Variants in NRG3 observed in about 807,000 individuals in gnomAD.
The protein encoded by NRG3 is pro-neuregulin-3, membrane-bound isoform.
A neutral mutation model predicts 66.9 loss-of-function variants in NRG3; 31 were observed. The ratio of observed to expected loss-of-function variants is 0.46; its 90% CI spans 0.35 to 0.63. The LOEUF (loss-of-function observed/expected upper bound fraction) is 0.63, where lower values mean the gene tolerates loss of function less well. Ranked by LOEUF, NRG3 falls within the 20% of genes least tolerant of loss-of-function variation. The pLI, the probability that NRG3 is intolerant of heterozygous loss-of-function variation, is 0.00. For synonymous variants in NRG3, 393 were observed against 359.4 expected (o/e 1.09, Z -1.06); for missense variants, 910 against 878.9 (o/e 1.04, Z -0.45).
chr10:81,991,285 A>G (rs2060730292), intron 1 of NRG3, among the ~76,000 whole-genome samples: 1 of 152,220 alleles, frequency 6.6e-6, no homozygotes, highest in African/African-American at 2.4e-5. Flanking sequence ...TGTTCAGAAA[A>G]TGGTTATTAT....
chr10:82,101,503 C>G (rs1388538377), intron 1 of NRG3, among the ~76,000 whole-genome samples: 1 of 151,716 alleles, frequency 6.6e-6, no homozygotes, highest in Non-Finnish European at 1.5e-5. Context: ...ATTAATTTAG[C>G]TGTCCCACAT....
At chr10:82,127,591 A>G (rs965334161) in intron 1 of NRG3, among the ~76,000 whole-genome samples, 6 of 152,060 alleles carry the variant, frequency 3.9e-5, no homozygotes, top group Admixed American at 1.3e-4. Context: ...TTGGGCACAG[A>G]TATTTGGCTA....
intron 1 of NRG3, among the ~76,000 whole-genome samples, chr10:81,904,537 C>T (rs1022466975): frequency 1.3e-5 from 2 of 152,068 alleles, no homozygotes; most frequent in African/African-American, 2.4e-5. Context: ...ATTACTGTCT[C>T]ATTAGTCAAA....
At chr10:82,691,577 G>C (rs2054930047) in intron 2 of NRG3, among the ~76,000 whole-genome samples, 1 of 152,160 alleles carries the variant, frequency 6.6e-6, no homozygotes, top group South Asian at 2.1e-4. Context: ...AACATAAATA[G>C]ACCCAGAACA....
At chr10:82,215,033 T>C (rs957553108) in intron 1 of NRG3, among the ~76,000 whole-genome samples, 1 of 152,214 alleles carries the variant, frequency 6.6e-6, no homozygotes, top group Non-Finnish European at 1.5e-5. Context: ...AAATCCTTTA[T>C]TAACAGGAAG....
intron 2 of NRG3, among the ~76,000 whole-genome samples, chr10:82,538,675 A>G (rs762241788): frequency 6.6e-6 from 1 of 152,118 alleles, no homozygotes; most frequent in Non-Finnish European, 1.5e-5. Flanking sequence ...GAGATTCTAC[A>G]AAGAATCTCC....
intron 3 of NRG3, among the ~76,000 whole-genome samples, chr10:82,755,340 A>T (rs1028210609): frequency 2.0e-5 from 3 of 152,116 alleles, no homozygotes; most frequent in African/African-American, 7.2e-5. Context: ...ATCTCATAGT[A>T]ATTTGTACAC....
intron 3 of NRG3, among the ~76,000 whole-genome samples, chr10:82,780,670 C>G (rs990770267): frequency 6.6e-6 from 1 of 151,944 alleles, no homozygotes; most frequent in Non-Finnish European, 1.5e-5. Flanking sequence ...ATTTTCTGGC[C>G]AACAGTTTTA....
At chr10:82,886,004 T>TG (rs1842692188) in intron 4 of NRG3, among the ~76,000 whole-genome samples, 1 of 152,148 alleles carries the variant, frequency 6.6e-6, no homozygotes, top group Admixed American at 6.6e-5. Flanking sequence ...CCCGAGTAGC[T>TG]GGGACTACAT....
chr10:82,697,532 A>G (rs753107363), intron 2 of NRG3, among the ~76,000 whole-genome samples: 2 of 152,190 alleles, frequency 1.3e-5, no homozygotes, highest in Non-Finnish European at 2.9e-5. Context: ...GAGCTCAGAG[A>G]TACAAACAAA....
chr10:82,670,876 A>G (rs1230988786), intron 2 of NRG3, among the ~76,000 whole-genome samples: 1 of 152,322 alleles, frequency 6.6e-6, no homozygotes. Flanking sequence ...TCCTGATTGC[A>G]ACCTGGCATC....
intron 2 of NRG3, among the ~76,000 whole-genome samples, chr10:82,702,344 C>T (rs897899069): frequency 6.6e-6 from 1 of 152,016 alleles, no homozygotes; most frequent in African/African-American, 2.4e-5. Context: ...TAAATTTTAC[C>T]TCTAGAATTT....
At chr10:82,199,490 G>A (rs1295518018) in intron 1 of NRG3, among the ~76,000 whole-genome samples, 1 of 152,152 alleles carries the variant, frequency 6.6e-6, no homozygotes, top group African/African-American at 2.4e-5. Flanking sequence ...GAAAATTTAT[G>A]TGAATATATA....
intron 3 of NRG3, among the ~76,000 whole-genome samples, chr10:82,807,166 TC>T (rs1298504607): frequency 1.1e-4 from 17 of 152,334 alleles, no homozygotes; most frequent in African/African-American, 4.1e-4. Context: ...CTAATCATGT[TC>T]TGCTTCTAAA....
intron 2 of NRG3, among the ~76,000 whole-genome samples, chr10:82,727,218 A>C (rs757016485): frequency 2.6e-5 from 4 of 152,242 alleles, no homozygotes; most frequent in Non-Finnish European, 4.4e-5. Context: ...AAATTTGCAT[A>C]AGTAACAAGG....
intron 1 of NRG3, among the ~76,000 whole-genome samples, chr10:82,235,334 A>C (rs1452934680): frequency 1.3e-5 from 2 of 152,240 alleles, no homozygotes; most frequent in Non-Finnish European, 2.9e-5. Context: ...AAAGTTTGCC[A>C]ATGTCTGGAC....
chr10:81,922,053 C>T (rs998604187), intron 1 of NRG3, among the ~76,000 whole-genome samples: 3 of 151,918 alleles, frequency 2.0e-5, no homozygotes, highest in African/African-American at 7.2e-5. Context: ...AATGGAATGC[C>T]CCAGGTATTA....
rs1464875750 is a variant in NRG3 at position 81,875,243 on chromosome 10, C to T, written c.-98C>T. The T allele has an allele frequency of 2.6e-6, 2 of 765,664 alleles. No individual in the cohort carries two copies. Among genetic ancestry groups the T allele is most frequent in the Non-Finnish European group, 3.2e-6 (2 of 632,156 alleles). The allele number at this position is 765,664 out of a possible 1,614,324, so 47.4% of individuals were successfully genotyped here. Reference sequence around the variant, plus strand: ...CGCTGCCTGCGCCCGAGCCCGCCGCCGCCGCCGGAGCCCGCGCCCGCGCCC... The same window carrying T: ...CGCTGCCTGCGCCCGAGCCCGCCGCTGCCGCCGGAGCCCGCGCCCGCGCCC... On this transcript the variant is annotated 5_prime_UTR_variant, in exon 1 of 9. Transcript: ENST00000372141. The surrounding 1 kb of genome is among the most constrained non-coding windows in gnomAD (Gnocchi z 5.3).
At chr10:82,306,432 G>T (rs186034482) in intron 1 of NRG3, among the ~76,000 whole-genome samples, 1 of 150,484 alleles carries the variant, frequency 6.6e-6, no homozygotes, top group Non-Finnish European at 1.5e-5. Flanking sequence ...GGCCGAGTGC[G>T]GTGGCTCACG....
Sources: gnomAD v4.1 joint callset for allele counts (sites outside exome capture counted in the v4.1 genomes callset) on GRCh38, gnomAD v4.1.1 for gene constraint, Gnocchi (gnomAD v3.1) non-coding constraint, MANE v1.5 for transcripts, NCBI Gene and HGNC (gene_info 2026-07-23, HGNC 2026-07-21) for gene names.